The following SHPRH variants were observed in gnomAD, a reference collection of about 807,000 sequenced individuals.
The protein encoded by SHPRH is SNF2 histone linker PHD RING helicase.
A neutral mutation model predicts 202.5 loss-of-function variants in SHPRH; 106 were observed. That is an observed-to-expected ratio of 0.52 (90% CI 0.45 to 0.62). SHPRH has a LOEUF of 0.62. Ranked by LOEUF, SHPRH falls within the 20% of genes least tolerant of loss-of-function variation. The pLI, the probability that SHPRH is intolerant of heterozygous loss-of-function variation, is 0.00. For synonymous variants in SHPRH, 729 were observed against 686.0 expected, an observed-to-expected ratio of 1.06 and a Z score of -0.98; for missense variants, 1,710 against 2,020.0, an observed-to-expected ratio of 0.85 and a Z score of 2.94.
Position 145,921,266 on chromosome 6 carries a change from T to C in SHPRH, c.3909A>G (p.Ala1303=). 1.2e-6 allele frequency: 2 copies of C among 1,612,982 alleles called. No homozygotes were observed. The highest frequency in any genetic ancestry group is 1.7e-6 in the Non-Finnish European group (2 of 1,179,360). The change falls in exon 21 of 30, where the codon GCA becomes GCG. Residue 1303 remains alanine (A), a synonymous_variant. Coordinates refer to ENST00000275233, the MANE Select transcript of SHPRH (RefSeq NM_001042683.3). ...TATGTGATTTTGCAAATGATAGTATTGCTTTCATAGATCGCTCTGTCTCAC... is the reference window on the plus strand; with the variant it reads ...TATGTGATTTTGCAAATGATAGTATCGCTTTCATAGATCGCTCTGTCTCAC... The part of the protein sequence containing the change: ...AISETERSMK[A]ILSFAKSHRF...
chr6:145,929,244 C>A (rs554582583), intron 14 of SHPRH, among the ~76,000 whole-genome samples: 5 of 151,842 alleles, frequency 3.3e-5, no homozygotes, highest in Non-Finnish European at 4.4e-5. Context: ...CTTGATGGCG[C>A]TAACATTTCT....
chr6:145,897,370 T>C (rs1401519091), intron 25 of SHPRH, among the ~76,000 whole-genome samples: 7 of 152,038 alleles, frequency 4.6e-5, no homozygotes, highest in Non-Finnish European at 5.9e-5. Context: ...GACCAGTATG[T>C]AGTAACAAGA....
intron 14 of SHPRH, among the ~76,000 whole-genome samples, chr6:145,929,926 C>T (rs150687590): frequency 3.3e-5 from 5 of 152,140 alleles, no homozygotes; most frequent in Middle Eastern, 3.4e-3. Flanking sequence ...GTTTTTATAA[C>T]GTTTTCAATG....
chr6:145,902,021 G>A (rs2128724947), intron 25 of SHPRH, among the ~76,000 whole-genome samples: 1 of 152,180 alleles, frequency 6.6e-6, no homozygotes, highest in East Asian at 1.9e-4. Flanking sequence ...GACATACAAA[G>A]TGTTACCAGT....
At chr6:145,898,092 C>G (rs146991313) in intron 25 of SHPRH, among the ~76,000 whole-genome samples, 47 of 152,150 alleles carry the variant, frequency 3.1e-4, no homozygotes, top group African/African-American at 1.0e-3. Context: ...ATGACATGAT[C>G]TTATATATAC....
At chr6:145,948,403 T>A in intron 4 of SHPRH, 53 bp from the exon 5 acceptor site, 1 of 1,370,134 alleles carries the variant, frequency 7.3e-7, no homozygotes, top group Non-Finnish European at 1.0e-6. Flanking sequence ...TTCAGTCAGA[T>A]AATCACATTA....
downstream of SHPRH, among the ~76,000 whole-genome samples, chr6:145,881,310 C>T (rs1418403611): frequency 1.3e-5 from 2 of 152,162 alleles, no homozygotes; most frequent in Non-Finnish European, 2.9e-5. Flanking sequence ...GTTGAATTAA[C>T]TTACAGTTCC....
intron 4 of SHPRH, 102 bp from the exon 5 acceptor site, chr6:145,948,452 G>A (rs1436457506): frequency 1.3e-6 from 1 of 746,566 alleles, no homozygotes; most frequent in African/African-American, 1.8e-5. Context: ...CTCTGGCATA[G>A]TGATACCCAT....
intron 8 of SHPRH, among the ~76,000 whole-genome samples, chr6:145,944,217 C>A (rs1164844335): frequency 2.6e-5 from 4 of 152,152 alleles, no homozygotes; most frequent in Non-Finnish European, 4.4e-5. Context: ...CTGGTTACTG[C>A]AATTAGCAAA....
At chr6:145,890,268 T>C (rs1289935312) in intron 28 of SHPRH, among the ~76,000 whole-genome samples, 1 of 152,188 alleles carries the variant, frequency 6.6e-6, no homozygotes. Context: ...ATGGGCAAGT[T>C]ACCTAACCTC....
chr6:145,873,197 A>T (rs993885202), intron 2 of SHPRH, among the ~76,000 whole-genome samples: 2 of 151,274 alleles, frequency 1.3e-5, no homozygotes, highest in Non-Finnish European at 2.9e-5. Flanking sequence ...GTTGGAAATA[A>T]AAAAAAAAGA....
chr6:145,867,625 T>G (rs373423072), intron 2 of SHPRH, among the ~76,000 whole-genome samples: 727 of 63,188 alleles, frequency 0.012, 8 homozygotes, highest in Middle Eastern at 0.028. Flanking sequence ...TATATATATA[T>G]ATATATAGAG....
intron 6 of SHPRH, 151 bp downstream of exon 6, chr6:145,947,342 G>A: frequency 1.2e-6 from 1 of 816,864 alleles, no homozygotes; most frequent in Non-Finnish European, 1.8e-6. Flanking sequence ...CATTCTCTCT[G>A]CCCACTTGAA....
At chr6:145,862,959 T>C (rs530056440), downstream of SHPRH, among the ~76,000 whole-genome samples, 6 of 152,338 alleles carry the variant, frequency 3.9e-5, no homozygotes, top group South Asian at 1.0e-3. Flanking sequence ...ACATAGTATA[T>C]GCTCAGTTTA....
At chr6:145,895,201 A>C (rs967618785) in intron 25 of SHPRH, among the ~76,000 whole-genome samples, 4 of 152,112 alleles carry the variant, frequency 2.6e-5, no homozygotes, top group Non-Finnish European at 4.4e-5. Context: ...TTGAATGTAA[A>C]AGCATGCCAG....
At chr6:145,920,890 A>C (rs1784381260) in intron 21 of SHPRH, among the ~76,000 whole-genome samples, 1 of 152,122 alleles carries the variant, frequency 6.6e-6, no homozygotes, top group African/African-American at 2.4e-5. Context: ...CAAGCTAATA[A>C]TAGAATGAAC....
At chr6:145,887,628 G>A (rs142948215) in intron 29 of SHPRH, among the ~76,000 whole-genome samples, 3,347 of 147,454 alleles carry the variant, frequency 0.023, 47 homozygotes, top group Admixed American at 0.034. Flanking sequence ...CTCCACCTCC[G>A]GGGTTCAAGC....
chr6:145,919,202 C>T lies in SHPRH; in HGVS notation c.4152+146G>A, dbSNP rs1253831377. On this transcript the variant is annotated intron_variant, in intron 22 of 29. Transcript: ENST00000275233. ...TTTGACCATTTTTGGTCTATAAAGA[C>T]AATTTTCTATGGGTCAAATTAAAAA... 2.4e-6 allele frequency: 3 copies of T among 1,225,662 alleles called. No homozygotes were observed. In the East Asian group the frequency reaches 7.4e-5, roughly 30 times the overall value. 75.9% of individuals were successfully genotyped at this position (1,225,662 alleles called of 1,614,324 possible).
rs560825406 is a variant in SHPRH at position 145,944,904 on chromosome 6, A to G, written c.1578+477T>C. On this transcript the variant is annotated intron_variant, in intron 8 of 29. Coordinates refer to ENST00000275233, the MANE Select transcript of SHPRH (RefSeq NM_001042683.3). The stretch of plus-strand genomic sequence containing the variant: ...GAGAACCCCGTCTCTACAAAAAAAC[A>G]AGAAAAATTAACCAGGCATGGTGAC... 4.6e-5 allele frequency among the ~76,000 whole-genome samples: 7 copies of G among 152,190 alleles called. No individual in the cohort carries two copies. The South Asian group carries it at 1.5e-3, about 32-fold the overall frequency.
Sources: allele counts gnomAD v4.1 joint callset (sites outside exome capture counted in the v4.1 genomes callset), GRCh38; gene constraint gnomAD v4.1.1; transcripts MANE v1.5; gene names NCBI Gene and HGNC (gene_info 2026-07-23, HGNC 2026-07-21).